NLGN4X: variants seen among roughly 807,000 people sequenced by gnomAD.
NLGN4X encodes neuroligin-4, X-linked.
Under a neutral mutation model 40.3 loss-of-function variants are expected in NLGN4X, and 3 were observed. That is an observed-to-expected ratio of 0.07 (90% CI 0.03 to 0.19). The LOEUF (loss-of-function observed/expected upper bound fraction) is 0.19, where lower values mean the gene tolerates loss of function less well. Among genes scored for constraint, NLGN4X ranks in the 10% least tolerant of loss-of-function variants. The pLI is 1.00. For missense variants in NLGN4X, 382 were observed against 708.3 expected (o/e 0.54, Z 5.23); for synonymous variants, 270 against 306.8 (o/e 0.88, Z 1.25).
chrX:6,056,431 G>A (rs1233410238), intron 2 of NLGN4X, among the ~76,000 whole-genome samples: 1 of 109,546 alleles, frequency 9.1e-6, no homozygotes, highest in East Asian at 2.9e-4. Context: ...AGCGGGGATC[G>A]CGCCACTGCA....
intron 2 of NLGN4X, among the ~76,000 whole-genome samples, chrX:6,060,129 T>C (rs2037733719): frequency 8.9e-6 from 1 of 112,039 alleles, no homozygotes; most frequent in South Asian, 3.7e-4. Context: ...ACATACAAAA[T>C]TGTACTAACA....
At chrX:6,135,159 T>C (rs1251052419) in intron 2 of NLGN4X, among the ~76,000 whole-genome samples, 1 of 111,862 alleles carries the variant, frequency 8.9e-6, no homozygotes, top group African/African-American at 3.2e-5. Flanking sequence ...TATCTCTGAT[T>C]TGCCACCAGC....
At position 6,134,384 on chromosome X, in the gene NLGN4X, GA is replaced by G. The variant is rs757307854; in HGVS notation, c.472+16610del. ...CCTCCCAGCAATTTGGTCAGTTACT[GA>G]TTCTTCAAATTTCTCCTTAGTGCAT... On this transcript the variant is annotated intron_variant, in intron 2 of 5. Transcript: ENST00000381095. 3.6e-5 allele frequency among the ~76,000 whole-genome samples: 4 copies of G among 111,718 alleles called. No homozygotes were observed. The East Asian group carries it at 1.1e-3, about 32-fold the overall frequency.
At position 5,945,291 on chromosome X, in the gene NLGN4X, C is replaced by T. The variant is rs113712878; in HGVS notation, c.626-36052G>A. Reference sequence around the variant, plus strand: ...TCAGTGAGTACCCCATACGAGAAACCATGCTCAGGAAGCACTGATAGTGAA... The same window carrying T: ...TCAGTGAGTACCCCATACGAGAAACTATGCTCAGGAAGCACTGATAGTGAA... On this transcript the variant is annotated intron_variant, in intron 3 of 5. Transcript: ENST00000381095. Among the ~76,000 whole-genome samples, 21 of 111,384 alleles carry T rather than the reference C, an allele frequency of 1.9e-4. No individual in the cohort carries two copies. In the East Asian group the frequency reaches 2.3e-3, roughly 12 times the overall value.
intron 3 of NLGN4X, among the ~76,000 whole-genome samples, chrX:6,019,675 G>A (rs1262059776): frequency 9.0e-6 from 1 of 110,982 alleles, no homozygotes; most frequent in South Asian, 3.8e-4. Context: ...CACAACTTAT[G>A]TCCTTCTGTC....
intron 2 of NLGN4X, among the ~76,000 whole-genome samples, chrX:6,117,751 A>T (rs1042557948): frequency 8.9e-6 from 1 of 111,751 alleles, no homozygotes; most frequent in Non-Finnish European, 1.9e-5. Flanking sequence ...CCCTTGAAGT[A>T]TCTCCCAGAG....
At chrX:5,978,320 CT>C (rs1569164917) in intron 3 of NLGN4X, among the ~76,000 whole-genome samples, 4 of 91,200 alleles carry the variant, frequency 4.4e-5, no homozygotes, top group Non-Finnish European at 8.3e-5. Flanking sequence ...TTCTTTCTTT[CT>C]TTCTTTCTTT....
rs192437720 is a variant in NLGN4X, at chrX:5,934,509, T to C, written c.626-25270A>G. On this transcript the variant is annotated intron_variant, in intron 3 of 5. Transcript: ENST00000381095. ...AATCTAATGTGGTAAAATCAGAAGT[T>C]AGTGCAAATAATTAGATTTTAAAAA... Among the ~76,000 whole-genome samples, 486 of 111,571 alleles carry C rather than the reference T, an allele frequency of 4.4e-3. 2 individuals carry two copies. Among genetic ancestry groups the C allele is most frequent in the African/African-American group, 0.015 (448 of 30,732 alleles).
rs186844875 is a variant in NLGN4X, at chrX:6,010,603, A to G, written c.625+18677T>C. Among the ~76,000 whole-genome samples the G allele has an allele frequency of 1.6e-3, 175 of 106,984 alleles. 2 individuals carry two copies. The highest frequency in any genetic ancestry group is 0.014 in the East Asian group (48 of 3,390). 92.9% of individuals were successfully genotyped at this position (106,984 alleles called of 115,157 possible). ...GAGTGCAGTGGTACAATCTCAGCTC[A>G]TTACAACCTCCGCCTCCCAGGCTCC... On this transcript the variant is annotated intron_variant, in intron 3 of 5. Transcript: ENST00000381095.
In NLGN4X at chrX:5,905,353, G is replaced by A. The variant is rs779619528; in HGVS notation, c.812-1487C>T. ...TAAACACAACTCACCTTAGCGTAAT[G>A]AGTATGCTAGGAGTTCACATAATTC... On this transcript the variant is annotated intron_variant, in intron 4 of 5. Transcript: ENST00000381095. Among the ~76,000 whole-genome samples, 3 of 111,637 alleles carry A rather than the reference G, an allele frequency of 2.7e-5. No individual in the cohort carries two copies. In the South Asian group the frequency reaches 1.1e-3, roughly 42 times the overall value.
At chrX:6,112,979 G>T (rs1363392072) in intron 2 of NLGN4X, among the ~76,000 whole-genome samples, 1 of 110,382 alleles carries the variant, frequency 9.1e-6, no homozygotes, top group African/African-American at 3.3e-5. Context: ...ACAATCCATA[G>T]CCCCCCAGTA....
At chrX:6,094,969 A>G (rs2038726564) in intron 2 of NLGN4X, among the ~76,000 whole-genome samples, 2 of 110,129 alleles carry the variant, frequency 1.8e-5, no homozygotes, top group African/African-American at 6.7e-5. Flanking sequence ...ACGTTGCAGC[A>G]ATTTTTTTTT....
chrX:5,908,975 G>T, intron 4 of NLGN4X, 79 bp downstream of exon 4: 1 of 1,070,791 alleles, frequency 9.3e-7, no homozygotes, highest in Non-Finnish European at 1.3e-6. Context: ...ACCAGGACAT[G>T]CATCTGAGAT....
intron 3 of NLGN4X, among the ~76,000 whole-genome samples, chrX:5,962,927 A>ACCCCCCCCCCCC (rs201841953): frequency 1.2e-5 from 1 of 86,003 alleles, no homozygotes; most frequent in African/African-American, 4.3e-5. Context: ...GTTGTTTATT[A>ACCCCCCCCCCCC]CCCCCCCCCA....
intron 2 of NLGN4X, among the ~76,000 whole-genome samples, chrX:6,137,807 T>C (rs2039853971): frequency 8.9e-6 from 1 of 112,496 alleles, no homozygotes; most frequent in African/African-American, 3.2e-5. Context: ...GAACTTTAAT[T>C]AATTTCTTGG....
chrX:6,016,103 C>A lies in NLGN4X; in HGVS notation c.625+13177G>T, dbSNP rs771790699. Among the ~76,000 whole-genome samples the A allele has an allele frequency of 4.5e-5, 5 of 111,815 alleles. No individual in the cohort carries two copies. The South Asian group carries it at 1.9e-3, about 42-fold the overall frequency. On this transcript the variant is annotated intron_variant, in intron 3 of 5. Transcript: ENST00000381095. ...CAAAGGATCTGAATAGATATTTTTCCAAAGGATTTACACACATGTCCAATA... is the reference window on the plus strand; with the variant it reads ...CAAAGGATCTGAATAGATATTTTTCAAAAGGATTTACACACATGTCCAATA...
rs941451405 is a variant in NLGN4X, at chrX:6,168,153, C to T, written c.-305-16382G>A. Among the ~76,000 whole-genome samples the T allele has an allele frequency of 8.0e-5, 9 of 112,137 alleles. 1 individual carries two copies. Among genetic ancestry groups the T allele is most frequent in the Admixed American group, 3.8e-4 (4 of 10,538 alleles). ...TGCCATGACTGTTCTATTTCCCCCACGTTTAATTATCCCTTAACAAGCCTG... is the reference window on the plus strand; with the variant it reads ...TGCCATGACTGTTCTATTTCCCCCATGTTTAATTATCCCTTAACAAGCCTG... On this transcript the variant is annotated intron_variant, in intron 1 of 5. Coordinates refer to ENST00000381095, the MANE Select transcript of NLGN4X (RefSeq NM_181332.3).
At chrX:6,096,947 G>C (rs1418575947) in intron 2 of NLGN4X, among the ~76,000 whole-genome samples, 2 of 39,809 alleles carry the variant, frequency 5.0e-5, no homozygotes, top group Non-Finnish European at 9.6e-5. Flanking sequence ...TTTTCATATC[G>C]TGTGTGTGTG....
intron 3 of NLGN4X, among the ~76,000 whole-genome samples, chrX:5,947,016 T>C (rs2034147180): frequency 8.9e-6 from 1 of 112,156 alleles, no homozygotes; most frequent in South Asian, 3.7e-4. Context: ...GATCTTGCTC[T>C]TTTTTATGGC....
Sources: allele counts gnomAD v4.1 joint callset (sites outside exome capture counted in the v4.1 genomes callset), GRCh38; gene constraint gnomAD v4.1.1; transcripts MANE v1.5; gene names NCBI Gene and HGNC (gene_info 2026-07-23, HGNC 2026-07-21).